YES1: variants seen among roughly 807,000 people sequenced by gnomAD.
The protein encoded by YES1 is YES proto-oncogene 1, Src family tyrosine kinase, also known as tyrosine-protein kinase Yes.
YES1 carries 39 observed loss-of-function variants against 70.4 expected under a neutral mutation model. The observed-to-expected ratio is 0.55, with a 90% CI of 0.43 to 0.72. YES1 has a LOEUF of 0.72. YES1 is among the 30% of genes least tolerant of loss of function. The pLI, the probability that YES1 is intolerant of heterozygous loss-of-function variation, is 0.00. For missense variants in YES1, 495 were observed against 644.8 expected, an observed-to-expected ratio of 0.77 and a Z score of 2.52; for synonymous variants, 198 against 218.6, an observed-to-expected ratio of 0.91 and a Z score of 0.83.
chr18:760,389 G>C (rs1387665784), intron 1 of YES1, among the ~76,000 whole-genome samples: 5 of 152,120 alleles, frequency 3.3e-5, no homozygotes, highest in African/African-American at 1.2e-4. Context: ...AGAATCGCTT[G>C]AATCTGGGAG....
At chr18:728,530 G>T (rs918952331) in intron 11 of YES1, among the ~76,000 whole-genome samples, 2 of 151,652 alleles carry the variant, frequency 1.3e-5, no homozygotes, top group African/African-American at 2.4e-5. Flanking sequence ...GAGCATTTCG[G>T]TTTTTTTTCT....
chr18:765,313 A>G (rs1460380819), intron 1 of YES1, among the ~76,000 whole-genome samples: 7 of 140,780 alleles, frequency 5.0e-5, no homozygotes, highest in Admixed American at 2.2e-4. Context: ...TTTTTTCATT[A>G]TATGAAACAT....
intron 6 of YES1, among the ~76,000 whole-genome samples, chr18:745,087 C>CATT (rs2080263846): frequency 1.3e-5 from 2 of 152,062 alleles, no homozygotes; most frequent in African/African-American, 2.4e-5. Flanking sequence ...TCATTGAAGA[C>CATT]ATTACCATGG....
intron 1 of YES1, among the ~76,000 whole-genome samples, chr18:797,783 T>C (rs535980382): frequency 3.9e-5 from 6 of 152,244 alleles, no homozygotes; most frequent in Non-Finnish European, 8.8e-5. Context: ...CTAATCATTC[T>C]TCTAAGATAT....
chr18:783,373 C>T (rs1165761395), intron 1 of YES1, among the ~76,000 whole-genome samples: 1 of 148,922 alleles, frequency 6.7e-6, no homozygotes, highest in East Asian at 2.0e-4. Flanking sequence ...GAAAACTCTT[C>T]TTGGTTATGT....
intron 11 of YES1, among the ~76,000 whole-genome samples, chr18:730,584 A>G (rs1483101845): frequency 6.6e-6 from 1 of 152,112 alleles, no homozygotes; most frequent in Non-Finnish European, 1.5e-5. Flanking sequence ...AGATCCCAGC[A>G]CTAGGATCTC....
At chr18:808,516 A>G (rs182542061) in intron 1 of YES1, among the ~76,000 whole-genome samples, 156 of 152,368 alleles carry the variant, frequency 1.0e-3, no homozygotes, top group Admixed American at 2.7e-3. Context: ...GCCTCGCTAT[A>G]GGACTTATAT....
rs976861205 is a variant in YES1 at position 723,022 on chromosome 18, G to C, written c.*1402C>G. ...CAGGAGAATGGTGTGAACCTGGGAG[G>C]CAGAGCTTGCAGTGAGCCGAGATCG... On this transcript the variant is annotated 3_prime_UTR_variant, in exon 12 of 12. Coordinates refer to ENST00000314574, the MANE Select transcript of YES1 (RefSeq NM_005433.4). The C allele has an allele frequency of 6.6e-6, 1 of 152,188 alleles. No individual in the cohort carries two copies. Among genetic ancestry groups the C allele is most frequent in the African/African-American group, 2.4e-5 (1 of 41,456 alleles). The allele number at this position is 152,188 out of a possible 1,614,324, so 9.4% of individuals were successfully genotyped here. A position where few individuals can be genotyped will look rare whatever the true frequency, so the allele number is the denominator to read the frequency against.
intron 1 of YES1, among the ~76,000 whole-genome samples, chr18:795,266 T>C (rs143355405): frequency 6.6e-6 from 1 of 152,292 alleles, no homozygotes; most frequent in African/African-American, 2.4e-5. Flanking sequence ...CTGAAATATT[T>C]AAGGGTACTG....
At chr18:795,912 AACACACACACAC>A (rs72204539) in intron 1 of YES1, among the ~76,000 whole-genome samples, 6 of 144,590 alleles carry the variant, frequency 4.1e-5, no homozygotes, top group African/African-American at 1.3e-4. Flanking sequence ...CCAGAACTTA[AACACACACACAC>A]ACACACACAC....
intron 1 of YES1, among the ~76,000 whole-genome samples, chr18:785,363 G>C (rs550108857): frequency 6.6e-6 from 1 of 152,224 alleles, no homozygotes; most frequent in South Asian, 2.1e-4. Context: ...GTCAATAAGA[G>C]ATATCATCTT....
At chr18:787,058 AAAAAACTGTG>A (rs1272131385) in intron 1 of YES1, among the ~76,000 whole-genome samples, 1 of 125,980 alleles carries the variant, frequency 7.9e-6, no homozygotes, top group East Asian at 2.5e-4. Flanking sequence ...TATGTTTTTT[AAAAAACTGTG>A]ATACATACTG....
At chr18:769,101 C>T (rs186723567) in intron 1 of YES1, among the ~76,000 whole-genome samples, 83 of 152,252 alleles carry the variant, frequency 5.5e-4, no homozygotes, top group African/African-American at 1.9e-3. Flanking sequence ...ATAGGCTATA[C>T]CATATAGCCT....
intron 1 of YES1, among the ~76,000 whole-genome samples, chr18:809,380 ATC>A (rs762309055): frequency 3.3e-5 from 5 of 151,958 alleles, no homozygotes; most frequent in Non-Finnish European, 5.9e-5. Flanking sequence ...GCTCACCGCA[ATC>A]TCTGTCTCCC....
intron 1 of YES1, 98 bp from the exon 2 acceptor site, chr18:756,933 C>A: frequency 8.4e-7 from 1 of 1,189,706 alleles, no homozygotes. Context: ...CATATGCCAT[C>A]CCTGCAAAAA....
At chr18:749,291 C>T (rs1006944667) in intron 3 of YES1, among the ~76,000 whole-genome samples, 8 of 150,356 alleles carry the variant, frequency 5.3e-5, no homozygotes, top group South Asian at 2.1e-4. Context: ...GTCAGGAGTT[C>T]GTGACCAGCC....
intron 1 of YES1, among the ~76,000 whole-genome samples, chr18:779,823 T>A (rs1905563768): frequency 6.6e-6 from 1 of 152,180 alleles, no homozygotes; most frequent in Non-Finnish European, 1.5e-5. Flanking sequence ...TAAATGCTCC[T>A]CAGGCACTGC....
intron 1 of YES1, among the ~76,000 whole-genome samples, chr18:763,769 A>G (rs543909145): frequency 6.6e-6 from 1 of 150,878 alleles, no homozygotes; most frequent in Admixed American, 6.6e-5. Flanking sequence ...GGGGGAAATG[A>G]GAAGTGTATA....
chr18:761,270 A>C (rs1023881002), intron 1 of YES1, among the ~76,000 whole-genome samples: 2 of 152,132 alleles, frequency 1.3e-5, no homozygotes, highest in Non-Finnish European at 2.9e-5. Flanking sequence ...GTTTAACTGT[A>C]AAAATCTTAA....
Sources: allele counts gnomAD v4.1 joint callset (sites outside exome capture counted in the v4.1 genomes callset), GRCh38; gene constraint gnomAD v4.1.1; transcripts MANE v1.5; gene names NCBI Gene and HGNC (gene_info 2026-07-23, HGNC 2026-07-21).